The following SLC22A3 variants were observed in gnomAD, a reference collection of about 807,000 sequenced individuals.
SLC22A3 encodes solute carrier family 22 member 3.
In SLC22A3, 51 loss-of-function variants were observed where a neutral mutation model predicts 59.1. The ratio of observed to expected loss-of-function variants is 0.86; its 90% CI spans 0.69 to 1.09. SLC22A3 has a LOEUF of 1.09. Ranked by LOEUF, SLC22A3 falls within the 50% of genes least tolerant of loss-of-function variation. The pLI is 0.00. For missense variants in SLC22A3, 711 were observed against 726.3 expected (o/e 0.98, Z 0.24); for synonymous variants, 325 against 292.0 (o/e 1.11, Z -1.15).
intron 5 of SLC22A3, among the ~76,000 whole-genome samples, chr6:160,436,369 T>C (rs901854062): frequency 3.3e-5 from 5 of 152,346 alleles, no homozygotes; most frequent in African/African-American, 7.2e-5. Flanking sequence ...ATACCTTTGG[T>C]GCTTACTCTT....
intron 4 of SLC22A3, among the ~76,000 whole-genome samples, chr6:160,410,163 T>C (rs555232293): frequency 5.3e-4 from 80 of 152,260 alleles, no homozygotes; most frequent in African/African-American, 1.9e-3. Flanking sequence ...ATTACAGGCA[T>C]GCACCACCAC....
rs1173065208 is a variant in SLC22A3, at chr6:160,348,668, C to G, written c.249C>G (p.Pro83=). 6.6e-7 allele frequency: 1 copy of G among 1,507,050 alleles called. No individual in the cohort carries two copies. Among genetic ancestry groups the G allele is most frequent in the African/African-American group, 1.4e-5 (1 of 69,144 alleles). The allele number at this position is 1,507,050 out of a possible 1,614,324, so 93.4% of individuals were successfully genotyped here. A position where few individuals can be genotyped will look rare whatever the true frequency, so the allele number is the denominator to read the frequency against. ...CGCCCGCCTCCCGCGGCCCAGAGCC[C>G]CCCGAGCGCCGCGGCCGCTGCCAGC... ...RTAPASRGPE[P]PERRGRCQRY... is the part of the protein sequence containing the mutation. The change falls in exon 1 of 11, where the codon CCC becomes CCG. Residue 83 remains proline, a synonymous_variant. Coordinates refer to ENST00000275300, the MANE Select transcript of SLC22A3 (RefSeq NM_021977.4).
At chr6:160,440,078 A>C (rs1788491274) in intron 7 of SLC22A3, among the ~76,000 whole-genome samples, 1 of 152,234 alleles carries the variant, frequency 6.6e-6, no homozygotes, top group Admixed American at 6.5e-5. Flanking sequence ...TGGTCTAAAG[A>C]ATGGAATTCT....
At chr6:160,417,560 G>C (rs189983612) in intron 5 of SLC22A3, among the ~76,000 whole-genome samples, 1 of 152,300 alleles carries the variant, frequency 6.6e-6, no homozygotes, top group Admixed American at 6.5e-5. Context: ...ATCTGATTGT[G>C]GTAGATTAAA....
At chr6:160,449,711 C>G (rs2114934547) in intron 10 of SLC22A3, among the ~76,000 whole-genome samples, 1 of 152,270 alleles carries the variant, frequency 6.6e-6, no homozygotes, top group Admixed American at 6.5e-5. Flanking sequence ...AACCAGCCCC[C>G]AATATTTCAG....
At chr6:160,357,111 A>C (rs1398092549) in intron 1 of SLC22A3, among the ~76,000 whole-genome samples, 3 of 152,250 alleles carry the variant, frequency 2.0e-5, no homozygotes, top group Non-Finnish European at 2.9e-5. Flanking sequence ...GACTGTGAGC[A>C]TAGTGGAAAC....
intron 1 of SLC22A3, among the ~76,000 whole-genome samples, chr6:160,373,658 A>G (rs1242838051): frequency 6.6e-6 from 1 of 152,164 alleles, no homozygotes; most frequent in East Asian, 1.9e-4. Context: ...AGTTTTATCT[A>G]TAAGCCCCTG....
chr6:160,400,251 T>G (rs138454788), intron 2 of SLC22A3, among the ~76,000 whole-genome samples: 141 of 152,136 alleles, frequency 9.3e-4, no homozygotes, highest in South Asian at 3.9e-3. Flanking sequence ...GAGAAGATGT[T>G]TAACCAGAGC....
chr6:160,440,957 AGT>A lies in SLC22A3; in HGVS notation c.1289-1791_1289-1790del, dbSNP rs201440715. The stretch of plus-strand genomic sequence containing the variant: ...TAACCACATATGTTTATCATGGTGG[AGT>A]GTGTGTGTGTGTTTTAATTTGGTCT... On this transcript the variant is annotated intron_variant, in intron 7 of 10. Transcript: ENST00000275300. Among the ~76,000 whole-genome samples, 38 of 151,734 alleles carry A rather than the reference AGT, an allele frequency of 2.5e-4. No individual in the cohort carries two copies. In the East Asian group the frequency reaches 6.2e-3, roughly 25 times the overall value.
At chr6:160,395,344 A>T (rs145220199) in intron 1 of SLC22A3, among the ~76,000 whole-genome samples, 1 of 152,202 alleles carries the variant, frequency 6.6e-6, no homozygotes, top group East Asian at 1.9e-4. Flanking sequence ...AGGCCTTGCT[A>T]TGTCATCTAC....
intron 1 of SLC22A3, among the ~76,000 whole-genome samples, chr6:160,394,481 C>T (rs1583472759): frequency 1.3e-5 from 2 of 152,356 alleles, no homozygotes; most frequent in East Asian, 3.9e-4. Flanking sequence ...GAGGTCTGCC[C>T]CCTGACTCTA....
chr6:160,386,474 A>T (rs1413127497), intron 1 of SLC22A3, among the ~76,000 whole-genome samples: 1 of 152,246 alleles, frequency 6.6e-6, no homozygotes, highest in Non-Finnish European at 1.5e-5. Context: ...AATCTTATAA[A>T]GTTTCCCTAT....
chr6:160,397,465 G>A (rs1006653997), intron 1 of SLC22A3, among the ~76,000 whole-genome samples: 9 of 152,162 alleles, frequency 5.9e-5, no homozygotes, highest in Middle Eastern at 3.4e-3. Flanking sequence ...GCCAGGCGCG[G>A]TGGCTCACTC....
At chr6:160,398,427 A>G (rs1302413835) in intron 2 of SLC22A3, among the ~76,000 whole-genome samples, 2 of 152,236 alleles carry the variant, frequency 1.3e-5, no homozygotes, top group East Asian at 3.8e-4. Flanking sequence ...TGCTTCAGTA[A>G]CAACTTACTG....
At chr6:160,396,130 T>C (rs540808024) in intron 1 of SLC22A3, among the ~76,000 whole-genome samples, 3 of 152,354 alleles carry the variant, frequency 2.0e-5, no homozygotes, top group African/African-American at 7.2e-5. Context: ...TGCAGGTTCC[T>C]ACCCAAAATT....
intron 5 of SLC22A3, among the ~76,000 whole-genome samples, chr6:160,417,989 T>C (rs1038896261): frequency 6.6e-6 from 1 of 152,242 alleles, no homozygotes; most frequent in Non-Finnish European, 1.5e-5. Flanking sequence ...CTAAGATCGA[T>C]GGCTCTTATG....
chr6:160,385,732 C>T (rs1347697137), intron 1 of SLC22A3, among the ~76,000 whole-genome samples: 2 of 152,196 alleles, frequency 1.3e-5, no homozygotes, highest in Non-Finnish European at 2.9e-5. Context: ...ATCCATAAAT[C>T]CTTGCTTACC....
intron 5 of SLC22A3, 37 bp from the exon 6 acceptor site, chr6:160,436,743 C>CTG: frequency 8.0e-7 from 1 of 1,247,058 alleles, no homozygotes; most frequent in Non-Finnish European, 1.1e-6. Context: ...TTTTTTTTTT[C>CTG]TGTCTATTGC....
At chr6:160,420,441 A>C (rs563934952) in intron 5 of SLC22A3, among the ~76,000 whole-genome samples, 16 of 152,226 alleles carry the variant, frequency 1.1e-4, no homozygotes, top group Non-Finnish European at 1.9e-4. Context: ...TGTACAAGTT[A>C]GGGCTTGAAA....
Sources: allele counts gnomAD v4.1 joint callset (sites outside exome capture counted in the v4.1 genomes callset), GRCh38; gene constraint gnomAD v4.1.1; transcripts MANE v1.5; gene names NCBI Gene and HGNC (gene_info 2026-07-23, HGNC 2026-07-21).